The following PDE11A variants were observed in gnomAD, a reference collection of about 807,000 sequenced individuals.
The protein encoded by PDE11A is phosphodiesterase 11A, also known as dual 3',5'-cyclic-AMP and -GMP phosphodiesterase 11A.
In PDE11A, 100 loss-of-function variants were observed where a neutral mutation model predicts 100.5. That is an observed-to-expected ratio of 1.00 (90% CI 0.85 to 1.18). The LOEUF (loss-of-function observed/expected upper bound fraction) is 1.18, where lower values mean the gene tolerates loss of function less well. Among genes scored for constraint, PDE11A ranks in the 50% most tolerant of loss-of-function variants. The probability of loss-of-function intolerance (pLI) is 0.00; values close to 1 mark genes in which losing one functional copy is unlikely to be tolerated. For synonymous variants in PDE11A, 381 were observed against 420.8 expected (o/e 0.91, Z 1.16); for missense variants, 1,141 against 1,152.6 (o/e 0.99, Z 0.15).
At chr2:177,997,812 G>T in intron 2 of PDE11A, 2 of 1,300,068 alleles carry the variant, frequency 1.5e-6, no homozygotes, top group Non-Finnish European at 2.2e-6. Flanking sequence ...CTTCTGGAGG[G>T]AGGGGCATGT....
At chr2:177,816,731 T>C (rs1307681884) in intron 9 of PDE11A, 98 bp downstream of exon 9, 2 of 779,772 alleles carry the variant, frequency 2.6e-6, no homozygotes, top group Non-Finnish European at 4.7e-6. Context: ...CAATGAATAA[T>C]TAAAATTTGA....
intron 9 of PDE11A, among the ~76,000 whole-genome samples, chr2:177,785,499 G>C (rs77817525): frequency 5.3e-5 from 8 of 151,620 alleles, no homozygotes; most frequent in Non-Finnish European, 1.2e-4. Flanking sequence ...CTGAGGTACC[G>C]GGTTCATCTC....
chr2:178,080,350 A>C (rs2087268789), intron 2 of PDE11A, among the ~76,000 whole-genome samples: 1 of 152,184 alleles, frequency 6.6e-6, no homozygotes, highest in African/African-American at 2.4e-5. Context: ...GTTCAGTTTC[A>C]ATTTTCTGCA....
At chr2:177,642,363 G>A (rs1401446102) in intron 19 of PDE11A, among the ~76,000 whole-genome samples, 1 of 152,196 alleles carries the variant, frequency 6.6e-6, no homozygotes, top group African/African-American at 2.4e-5. Flanking sequence ...ACACGACCAA[G>A]GGTGAAATAA....
At chr2:177,880,967 T>C (rs2084323396) in intron 4 of PDE11A, among the ~76,000 whole-genome samples, 1 of 152,186 alleles carries the variant, frequency 6.6e-6, no homozygotes, top group South Asian at 2.1e-4. Flanking sequence ...CCCAGATAGC[T>C]GGCAAAACAT....
chr2:177,740,900 G>A (rs2081861927), intron 10 of PDE11A, among the ~76,000 whole-genome samples: 2 of 152,198 alleles, frequency 1.3e-5, no homozygotes, highest in South Asian at 4.1e-4. Context: ...TTGGTGGGAT[G>A]CCAAGTGCAT....
chr2:177,650,758 GCT>G (rs2080296346), intron 19 of PDE11A, among the ~76,000 whole-genome samples: 1 of 152,218 alleles, frequency 6.6e-6, no homozygotes, highest in African/African-American at 2.4e-5. Context: ...TCTAAACCCA[GCT>G]CTGCCATTAT....
chr2:177,923,917 G>C (rs2085090785), intron 2 of PDE11A, among the ~76,000 whole-genome samples: 1 of 152,148 alleles, frequency 6.6e-6, no homozygotes. Context: ...CAAGCAATAT[G>C]TGTTAAATAA....
At chr2:178,015,745 G>A (rs903228235) in intron 1 of PDE11A, among the ~76,000 whole-genome samples, 6 of 152,074 alleles carry the variant, frequency 3.9e-5, no homozygotes, top group African/African-American at 1.2e-4. Flanking sequence ...ACGAATGGAT[G>A]GAAGGAGGGA....
intron 9 of PDE11A, among the ~76,000 whole-genome samples, chr2:177,787,579 A>G (rs1248280450): frequency 6.6e-6 from 1 of 151,924 alleles, no homozygotes; most frequent in East Asian, 1.9e-4. Context: ...CTCCAATTAA[A>G]AGACGCAGAC....
At chr2:177,900,702 G>A (rs2084681630) in intron 3 of PDE11A, among the ~76,000 whole-genome samples, 1 of 152,086 alleles carries the variant, frequency 6.6e-6, no homozygotes. Flanking sequence ...AAGTTGCAGT[G>A]AGCTGAGATC....
chr2:177,680,783 G>T, intron 16 of PDE11A, 43 bp downstream of exon 16: 1 of 1,081,074 alleles, frequency 9.3e-7, no homozygotes, highest in Non-Finnish European at 1.4e-6. Context: ...TGGACTAAAT[G>T]TCCAAATAAT....
At chr2:177,939,109 C>A (rs550272427) in intron 2 of PDE11A, among the ~76,000 whole-genome samples, 3 of 152,268 alleles carry the variant, frequency 2.0e-5, no homozygotes, top group South Asian at 4.2e-4. Flanking sequence ...CCAGCCCTAG[C>A]AAACTTGCAT....
intron 13 of PDE11A, among the ~76,000 whole-genome samples, chr2:177,708,216 C>T (rs1157386544): frequency 7.9e-6 from 1 of 126,434 alleles, no homozygotes; most frequent in South Asian, 2.6e-4. Context: ...GACATGGAAT[C>T]CTAAATGCCC....
intron 2 of PDE11A, among the ~76,000 whole-genome samples, chr2:178,091,482 T>A (rs529790634): frequency 6.6e-6 from 1 of 152,274 alleles, no homozygotes; most frequent in East Asian, 1.9e-4. Flanking sequence ...TCTCTAGGTG[T>A]CAACACAGAA....
At chr2:178,063,910 C>T (rs1292095606) in intron 1 of PDE11A, among the ~76,000 whole-genome samples, 2 of 152,212 alleles carry the variant, frequency 1.3e-5, no homozygotes, top group African/African-American at 2.4e-5. Flanking sequence ...GATCAAAACT[C>T]TCCTATTATG....
At chr2:178,020,753 G>A (rs1474758544) in intron 1 of PDE11A, among the ~76,000 whole-genome samples, 1 of 152,048 alleles carries the variant, frequency 6.6e-6, no homozygotes, top group Non-Finnish European at 1.5e-5. Context: ...AGCCAAGATT[G>A]CGCCACTGCA....
chr2:177,692,647 C>G (rs1199195521), intron 15 of PDE11A, among the ~76,000 whole-genome samples: 1 of 152,164 alleles, frequency 6.6e-6, no homozygotes. Flanking sequence ...AACTGGAAAA[C>G]GTTTTCAGTG....
chr2:177,894,024 T>C (rs1367048808), intron 4 of PDE11A, among the ~76,000 whole-genome samples: 1 of 152,188 alleles, frequency 6.6e-6, no homozygotes, highest in Non-Finnish European at 1.5e-5. Context: ...CTTTGGCAGA[T>C]GACCAAAAAT....
Sources: allele counts gnomAD v4.1 joint callset (sites outside exome capture counted in the v4.1 genomes callset), GRCh38; gene constraint gnomAD v4.1.1; transcripts MANE v1.5; gene names NCBI Gene and HGNC (gene_info 2026-07-23, HGNC 2026-07-21).